Variants in DAB1 observed in about 807,000 individuals in gnomAD.
The protein encoded by DAB1 is disabled homolog 1.
Under a neutral mutation model 64.6 loss-of-function variants are expected in DAB1, and 15 were observed. The ratio of observed to expected loss-of-function variants is 0.23; its 90% CI spans 0.16 to 0.36. DAB1 has a LOEUF of 0.36. Ranked by LOEUF, DAB1 falls within the 10% of genes least tolerant of loss-of-function variation. The pLI, the probability that DAB1 is intolerant of heterozygous loss-of-function variation, is 1.00. For synonymous variants in DAB1, 235 were observed against 251.9 expected, an observed-to-expected ratio of 0.93 and a Z score of 0.64; for missense variants, 596 against 706.7, an observed-to-expected ratio of 0.84 and a Z score of 1.78.
At chr1:57,786,124 A>C (rs1473455968) in intron 6 of DAB1, among the ~76,000 whole-genome samples, 1 of 152,186 alleles carries the variant, frequency 6.6e-6, no homozygotes, top group Non-Finnish European at 1.5e-5. Context: ...GGTTTTTAGC[A>C]ACAAAGTATT....
At chr1:58,105,403 G>A (rs1651572863) in intron 5 of DAB1, among the ~76,000 whole-genome samples, 1 of 152,202 alleles carries the variant, frequency 6.6e-6, no homozygotes, top group Non-Finnish European at 1.5e-5. Flanking sequence ...GGGCCCCCAT[G>A]TGCTGGGTGC....
chr1:57,606,821 C>T (rs1338954928), intron 7 of DAB1, among the ~76,000 whole-genome samples: 1 of 143,486 alleles, frequency 7.0e-6, no homozygotes, highest in Non-Finnish European at 1.5e-5. Context: ...CAGATTTTCA[C>T]CCTTGTTGCC....
intron 1 of DAB1, among the ~76,000 whole-genome samples, chr1:57,421,276 T>C (rs1394355116): frequency 6.6e-6 from 1 of 152,210 alleles, no homozygotes; most frequent in Non-Finnish European, 1.5e-5. Context: ...TGAAACATAC[T>C]GTGAAACAGC....
intron 2 of DAB1, among the ~76,000 whole-genome samples, chr1:57,169,359 T>C (rs1661512590): frequency 6.6e-6 from 1 of 152,192 alleles, no homozygotes. Flanking sequence ...ACCTCATTTA[T>C]TTCTCTCAGT....
At chr1:58,516,292 A>G (rs556291706) in intron 2 of DAB1, among the ~76,000 whole-genome samples, 1 of 152,296 alleles carries the variant, frequency 6.6e-6, no homozygotes, top group South Asian at 2.1e-4. Flanking sequence ...GTTACGAAAA[A>G]ATTAAAACTG....
intron 1 of DAB1, among the ~76,000 whole-genome samples, chr1:57,855,418 C>T (rs1653709344): frequency 6.6e-6 from 1 of 152,092 alleles, no homozygotes; most frequent in African/African-American, 2.4e-5. Context: ...TCATTTCATA[C>T]ACAAATTAAT....
chr1:58,090,300 CTT>C (rs1650573610), intron 5 of DAB1, among the ~76,000 whole-genome samples: 1 of 152,114 alleles, frequency 6.6e-6, no homozygotes, highest in African/African-American at 2.4e-5. Context: ...ATCAACAAGT[CTT>C]GGGGGAGGCA....
chr1:57,969,809 T>C lies in DAB1; in HGVS notation n.388-85647A>G, dbSNP rs548929308. Among the ~76,000 whole-genome samples, 22 of 152,264 alleles carry C rather than the reference T, an allele frequency of 1.4e-4. No homozygotes were observed. In the South Asian group the frequency reaches 4.6e-3, roughly 32 times the overall value. On this transcript the variant is annotated intron_variant and non_coding_transcript_variant, in intron 5 of 20. Transcript: ENST00000485760. ...TTCTGCTTGTTAGGTTCTAGTTAAA[T>C]GGGGATTTACACTCTTCTACTTTAG...
chr1:57,980,589 T>A (rs1236706036), intron 5 of DAB1, among the ~76,000 whole-genome samples: 1 of 152,146 alleles, frequency 6.6e-6, no homozygotes, highest in East Asian at 1.9e-4. Context: ...CCTATACCCA[T>A]AACAGCAAGG....
chr1:58,195,136 G>A (rs897095567), intron 4 of DAB1, among the ~76,000 whole-genome samples: 5 of 151,562 alleles, frequency 3.3e-5, no homozygotes, highest in Non-Finnish European at 7.4e-5. Context: ...GAGAGAGAGA[G>A]AGAGAGACAG....
chr1:57,325,780 C>T (rs1676101536), intron 1 of DAB1, among the ~76,000 whole-genome samples: 1 of 152,018 alleles, frequency 6.6e-6, no homozygotes, highest in Non-Finnish European at 1.5e-5. Context: ...TTTTGGCTTC[C>T]CTCACCTTCC....
rs138420097 is a variant in DAB1, at chr1:57,154,746, C to T, written c.68-9317G>A. 1.1e-3 allele frequency among the ~76,000 whole-genome samples: 175 copies of T among 152,184 alleles called. 2 individuals are homozygous for T. The highest frequency in any genetic ancestry group is 0.01 in the East Asian group (53 of 5,182). ...TGGATAGAAGCTATTTTAACTGGGG[C>T]GAGATGATATCTCATTGTAGTTTTG... On this transcript the variant is annotated intron_variant, in intron 2 of 14. Coordinates refer to ENST00000371236, the MANE Select transcript of DAB1 (RefSeq NM_001365792.1).
In DAB1 at chr1:57,574,461, A is replaced by G. The variant is rs1422555257; in HGVS notation, n.625+75131T>C. ...TTCATATATCATCTCTCTTAATTCT[A>G]TTCTTAATCCCCATTTTTTAGAAGA... On this transcript the variant is annotated intron_variant and non_coding_transcript_variant, in intron 7 of 20. Coordinates refer to the DAB1 transcript ENST00000485760. Among the ~76,000 whole-genome samples the G allele has an allele frequency of 3.7e-4, 57 of 152,236 alleles. 1 individual carries two copies. The highest frequency in any genetic ancestry group is 3.7e-3 in the Admixed American group (57 of 15,286).
At chr1:58,216,188 C>T (rs561654491) in intron 4 of DAB1, among the ~76,000 whole-genome samples, 2 of 152,124 alleles carry the variant, frequency 1.3e-5, no homozygotes, top group African/African-American at 2.4e-5. Context: ...TTAGCCCCCA[C>T]CCCCCAACAG....
At chr1:57,817,067 T>C (rs852755) in intron 6 of DAB1, among the ~76,000 whole-genome samples, 48,774 of 152,150 alleles carry the variant, frequency 0.32, 8,952 homozygotes, top group Admixed American at 0.47. Flanking sequence ...CTAGTCATCA[T>C]ATATTTTACC....
intron 7 of DAB1, among the ~76,000 whole-genome samples, chr1:57,563,702 AG>A (rs773467275): frequency 1.3e-5 from 2 of 152,140 alleles, no homozygotes; most frequent in Admixed American, 6.5e-5. Context: ...CTAGCACAGC[AG>A]TCTGAGATCA....
Position 58,481,226 on chromosome 1 carries a change from TCA to T in DAB1, n.257+24832_257+24833del, listed in dbSNP as rs566531214. 565 of 585,084 alleles carry T rather than the reference TCA, an allele frequency of 9.7e-4. 3 individuals carry two copies. The Middle Eastern group carries it at 0.011, about 12-fold the overall frequency. The allele number at this position is 585,084 out of a possible 1,614,324, so 36.2% of individuals were successfully genotyped here. On this transcript the variant is annotated intron_variant and non_coding_transcript_variant, in intron 3 of 20. Coordinates refer to the DAB1 transcript ENST00000485760. ...ATACTATATATATACATCAATGTATTCAGATTGTTTCAGTAATCCCTAATATG... is the reference window on the plus strand; with the variant it reads ...ATACTATATATATACATCAATGTATTGATTGTTTCAGTAATCCCTAATATG...
At chr1:58,440,911 C>T (rs887646937) in intron 3 of DAB1, among the ~76,000 whole-genome samples, 7 of 152,130 alleles carry the variant, frequency 4.6e-5, no homozygotes, top group South Asian at 2.1e-4. Flanking sequence ...AGCCAATAAC[C>T]GCATGATTAA....
chr1:58,055,639 A>G (rs1456715662), intron 5 of DAB1, among the ~76,000 whole-genome samples: 1 of 152,236 alleles, frequency 6.6e-6, no homozygotes, highest in African/African-American at 2.4e-5. Flanking sequence ...CTAGATGCTC[A>G]GCAAATACAT....
Sources: gnomAD v4.1 joint callset for allele counts (sites outside exome capture counted in the v4.1 genomes callset) on GRCh38, gnomAD v4.1.1 for gene constraint, MANE v1.5 for transcripts, NCBI Gene and HGNC (gene_info 2026-07-23, HGNC 2026-07-21) for gene names.